ATF2: variants seen among roughly 807,000 people sequenced by gnomAD.
ATF2 encodes cyclic AMP-dependent transcription factor ATF-2.
In ATF2, 24 loss-of-function variants were observed where a neutral mutation model predicts 60.6. That is an observed-to-expected ratio of 0.40 (90% CI 0.29 to 0.56). The LOEUF is 0.56. Ranked by LOEUF, ATF2 falls within the 20% of genes least tolerant of loss-of-function variation. The pLI is 0.54. For missense variants in ATF2, 433 were observed against 607.7 expected (o/e 0.71, Z 3.02); for synonymous variants, 206 against 215.4 (o/e 0.96, Z 0.38).
intron 2 of ATF2, among the ~76,000 whole-genome samples, chr2:175,144,693 C>T (rs562400786): frequency 3.3e-5 from 5 of 152,108 alleles, no homozygotes; most frequent in Non-Finnish European, 7.3e-5. Flanking sequence ...GAGGGTTGGG[C>T]TGGGAAAGGG....
chr2:175,164,123 C>T (rs2105376749), intron 1 of ATF2, among the ~76,000 whole-genome samples: 1 of 149,212 alleles, frequency 6.7e-6, no homozygotes, highest in African/African-American at 2.4e-5. Flanking sequence ...AAAATGAATA[C>T]ACCAGTTTCA....
At chr2:175,154,225 G>GAAAAAAAA in intron 1 of ATF2, among the ~76,000 whole-genome samples, 1 of 141,600 alleles carries the variant, frequency 7.1e-6, no homozygotes, top group South Asian at 2.2e-4. Flanking sequence ...AAAAAGAAAA[G>GAAAAAAAA]AAAAAAAAAA....
At position 175,074,759 on chromosome 2, in the gene ATF2, C is replaced by T. The variant is rs1354105737; in HGVS notation, c.1368G>A (p.Ser456=). Residue 456 remains serine, a synonymous_variant, in exon 14 of 14, where the codon TCG becomes TCA. Coordinates refer to ENST00000264110, the MANE Select transcript of ATF2 (RefSeq NM_001880.4). ...AACTGACTCCATTGGATGTGCTGAC[C>T]GAACTATGCTGTATAGCTTCTGTAT... ...SPHTEAIQHS[S]VSTSNGVSST... 1.2e-6 allele frequency: 2 copies of T among 1,613,484 alleles called. No homozygotes were observed. Among genetic ancestry groups the T allele is most frequent in the South Asian group, 1.1e-5 (1 of 91,076 alleles).
At chr2:175,119,854 C>T (rs1360241650) in intron 5 of ATF2, among the ~76,000 whole-genome samples, 2 of 151,636 alleles carry the variant, frequency 1.3e-5, no homozygotes, top group Non-Finnish European at 3.0e-5. Flanking sequence ...AAATAAAATA[C>T]ATAAGCATAA....
chr2:175,126,188 TTC>T (rs1476390240), intron 4 of ATF2, among the ~76,000 whole-genome samples: 1 of 152,196 alleles, frequency 6.6e-6, no homozygotes, highest in African/African-American at 2.4e-5. Flanking sequence ...ACTATATTGT[TTC>T]TCTTACTTTG....
At chr2:175,148,610 G>A (rs1699102429) in intron 2 of ATF2, among the ~76,000 whole-genome samples, 1 of 152,082 alleles carries the variant, frequency 6.6e-6, no homozygotes, top group Non-Finnish European at 1.5e-5. Flanking sequence ...TGAAATTCAG[G>A]CACAGCTGAC....
chr2:175,166,191 T>C (rs967092977), intron 1 of ATF2, among the ~76,000 whole-genome samples: 1 of 152,178 alleles, frequency 6.6e-6, no homozygotes, highest in African/African-American at 2.4e-5. Flanking sequence ...TCCTGACAAT[T>C]AAAATACATA....
intron 7 of ATF2, among the ~76,000 whole-genome samples, chr2:175,116,255 G>A (rs1202483682): frequency 6.6e-6 from 1 of 152,088 alleles, no homozygotes; most frequent in East Asian, 1.9e-4. Flanking sequence ...GATGATGATG[G>A]TTTGGGCTTA....
At position 175,073,761 on chromosome 2, in the gene ATF2, G is replaced by A. The variant is rs1234374973; in HGVS notation, c.*848C>T. 1 of 151,638 alleles carries A rather than the reference G, an allele frequency of 6.6e-6. No individual in the cohort carries two copies. The highest frequency in any genetic ancestry group is 1.5e-5 in the Non-Finnish European group (1 of 67,934). 9.4% of individuals were successfully genotyped at this position (151,638 alleles called of 1,614,324 possible). ...CTTTGCAGTTTGTAACCTGAAATCT[G>A]TAAAAACAACAACAAAAAAACCAAA... is the stretch of plus-strand genomic sequence containing the variant. On this transcript the variant is annotated 3_prime_UTR_variant, in exon 14 of 14. Transcript: ENST00000264110.
At chr2:175,167,494 C>G (rs577594311) in intron 1 of ATF2, 223 of 408,258 alleles carry the variant, frequency 5.5e-4, no homozygotes, top group Admixed American at 9.1e-4. Flanking sequence ...CAAGCTGCAC[C>G]GCAGCCAGGG....
chr2:175,124,778 T>C (rs940657897), intron 4 of ATF2, among the ~76,000 whole-genome samples: 2 of 152,010 alleles, frequency 1.3e-5, no homozygotes, highest in African/African-American at 4.8e-5. Context: ...GTAAACATTC[T>C]ACCAAAGAAA....
rs546329285 is a variant in ATF2 at position 175,154,570 on chromosome 2, A to C, written c.-142-3412T>G. Among the ~76,000 whole-genome samples, 14 of 152,340 alleles carry C rather than the reference A, an allele frequency of 9.2e-5. No individual in the cohort carries two copies. The South Asian group carries it at 2.9e-3, about 32-fold the overall frequency. On this transcript the variant is annotated intron_variant, in intron 1 of 13. Transcript: ENST00000264110. The stretch of plus-strand genomic sequence containing the variant: ...GTAACATCATTGTTTATCAAATATT[A>C]CATACTGTACGTAATTGTGCTATTT...
chr2:175,095,533 C>T (rs1223263619), intron 11 of ATF2, among the ~76,000 whole-genome samples: 1 of 152,196 alleles, frequency 6.6e-6, no homozygotes. Flanking sequence ...AGCTTAATTT[C>T]TGCTACTCAG....
At position 175,095,279 on chromosome 2, in the gene ATF2, A is replaced by G. The variant is rs541312594; in HGVS notation, c.979-2012T>C. ...CACCCAGCTTAATTTTTGTATTTTTAGTAGAGACGGGGTTTCACCAGGTTG... is the reference window on the plus strand; with the variant it reads ...CACCCAGCTTAATTTTTGTATTTTTGGTAGAGACGGGGTTTCACCAGGTTG... On this transcript the variant is annotated intron_variant, in intron 11 of 13. Transcript: ENST00000264110. Among the ~76,000 whole-genome samples the G allele has an allele frequency of 2.0e-5, 3 of 152,032 alleles. No homozygotes were observed. The South Asian group carries it at 6.2e-4, about 32-fold the overall frequency.
intron 1 of ATF2, among the ~76,000 whole-genome samples, chr2:175,151,984 C>T (rs551067188): frequency 6.6e-6 from 1 of 152,300 alleles, no homozygotes; most frequent in Non-Finnish European, 1.5e-5. Context: ...CTTTTATTTA[C>T]ATTTCATGGC....
chr2:175,130,573 C>CA (rs1697659417), intron 3 of ATF2, among the ~76,000 whole-genome samples: 1 of 152,058 alleles, frequency 6.6e-6, no homozygotes, highest in Non-Finnish European at 1.5e-5. Flanking sequence ...AATAATGTGG[C>CA]AAAATCTCCA....
chr2:175,161,198 C>T (rs1194217), intron 1 of ATF2, among the ~76,000 whole-genome samples: 137,488 of 152,266 alleles, frequency 0.9, 62,155 homozygotes, highest in East Asian at 1. Context: ...AATGAATTTA[C>T]GAAAATTCTA....
At chr2:175,123,436 T>C (rs3771929) in intron 4 of ATF2, among the ~76,000 whole-genome samples, 10,326 of 152,094 alleles carry the variant, frequency 0.068, 355 homozygotes, top group East Asian at 0.12. Flanking sequence ...TTGGTGCAGG[T>C]CCCAGATTTT....
intron 12 of ATF2, among the ~76,000 whole-genome samples, chr2:175,084,317 A>T (rs1693985502): frequency 6.6e-6 from 1 of 152,168 alleles, no homozygotes; most frequent in Non-Finnish European, 1.5e-5. Context: ...GCAGCCATAA[A>T]AAATGATGTG....
Sources: allele counts gnomAD v4.1 joint callset (sites outside exome capture counted in the v4.1 genomes callset), GRCh38; gene constraint gnomAD v4.1.1; transcripts MANE v1.5; gene names NCBI Gene and HGNC (gene_info 2026-07-23, HGNC 2026-07-21).